The following CFAP251 variants were observed in gnomAD, a reference collection of about 807,000 sequenced individuals.
CFAP251 encodes the protein cilia- and flagella-associated protein 251.
In CFAP251, 93 loss-of-function variants were observed where a neutral mutation model predicts 126.7. That is an observed-to-expected ratio of 0.73 (90% confidence interval 0.62 to 0.87). The LOEUF is 0.87. Ranked by LOEUF, CFAP251 falls within the 40% of genes least tolerant of loss-of-function variation. The probability of loss-of-function intolerance (pLI) is 0.00; values close to 1 mark genes in which losing one functional copy is unlikely to be tolerated. For missense variants in CFAP251, 1,287 were observed against 1,389.2 expected, an observed-to-expected ratio of 0.93 and a Z score of 1.17; for synonymous variants, 503 against 506.9, an observed-to-expected ratio of 0.99 and a Z score of 0.10.
rs547570754 is a variant in CFAP251, at chr12:121,989,400, A to T, written c.3007-10316A>T. On this transcript the variant is annotated intron_variant, in intron 19 of 21. Coordinates refer to ENST00000288912, the MANE Select transcript of CFAP251 (RefSeq NM_144668.6). This position sits in a 1 kb window ranked among gnomAD's most constrained non-coding sequence, Gnocchi z 4.2. ...CTGCGTCCAGAGGGCAGAACTGTGC[A>T]TGCATGCCCCACTCCTGGAAAAAGA... is the stretch of plus-strand genomic sequence containing the variant. Among the ~76,000 whole-genome samples the T allele has an allele frequency of 5.3e-5, 8 of 152,344 alleles. No homozygotes were observed. The highest frequency in any genetic ancestry group is 1.4e-4 in the African/African-American group (6 of 41,586).
intron 14 of CFAP251, 54 bp from the exon 15 acceptor site, chr12:121,961,924 T>G: frequency 2.2e-5 from 35 of 1,563,464 alleles, no homozygotes; most frequent in Non-Finnish European, 2.9e-5. Context: ...GTTCCTTAGC[T>G]GAGCCTTTAA....
At chr12:121,926,111 C>T (rs192320618) in intron 3 of CFAP251, among the ~76,000 whole-genome samples, 38 of 151,298 alleles carry the variant, frequency 2.5e-4, no homozygotes, top group Non-Finnish European at 3.4e-4. Context: ...GCAATCTGCC[C>T]GCCTAGGCCT....
At chr12:121,971,916 A>G (rs1882340618) in intron 17 of CFAP251, 1 of 338,482 alleles carries the variant, frequency 3.0e-6, no homozygotes. Flanking sequence ...TAAGTCTCAC[A>G]AGATCTGATG....
intron 7 of CFAP251, among the ~76,000 whole-genome samples, chr12:121,945,642 C>T (rs936050646): frequency 3.3e-5 from 5 of 151,004 alleles, no homozygotes; most frequent in African/African-American, 4.9e-5. Flanking sequence ...CGTGCCCGGC[C>T]AGAGTGTTAT....
chr12:122,001,772 G>A, intron 21 of CFAP251, 174 bp downstream of exon 21: 1 of 635,200 alleles, frequency 1.6e-6, no homozygotes. Context: ...AGTGAGTGGT[G>A]GCTTTTGTTC....
chr12:121,934,446 C>A, intron 5 of CFAP251, 90 bp downstream of exon 5: 2 of 982,500 alleles, frequency 2.0e-6, no homozygotes, highest in Non-Finnish European at 1.5e-6. Context: ...AATGCCAATG[C>A]CTAGAAATTT....
In CFAP251 at chr12:121,999,731, A is replaced by C. The variant is rs760598291; in HGVS notation, c.3022A>C (p.Asn1008His). 6.2e-7 allele frequency: 1 copy of C among 1,607,754 alleles called. No individual in the cohort carries two copies. The highest frequency in any genetic ancestry group is 2.2e-5 in the East Asian group (1 of 44,654). ...PSEEKIDDIFNEIKFGEYVDT... is the reference protein window; with the variant it reads ...PSEEKIDDIFHEIKFGEYVDT... ...TTTCCCCTAGATTGATGATATATTT[A>C]ACGAAATCAAATTTGGTGAATATGT... Residue 1008 changes from asparagine (N) to histidine (H), a missense_variant, in exon 20 of 22, where the codon AAC (asparagine) becomes CAC (histidine). By Grantham distance (68) the Asn-to-His change is moderately conservative (BLOSUM62 1). Transcript: ENST00000288912.
At chr12:121,938,249 C>T (rs1358826987) in intron 5 of CFAP251, among the ~76,000 whole-genome samples, 3 of 151,962 alleles carry the variant, frequency 2.0e-5, no homozygotes, top group South Asian at 2.1e-4. Context: ...ACAAGTGATC[C>T]GTCTGCCTTG....
intron 5 of CFAP251, among the ~76,000 whole-genome samples, chr12:121,936,960 C>T (rs1397868527): frequency 2.0e-5 from 3 of 152,262 alleles, no homozygotes; most frequent in African/African-American, 4.8e-5. Context: ...TGGGCTCTGG[C>T]GTCCACCTGG....
chr12:121,998,330 G>A (rs1291461602), intron 19 of CFAP251: 1 of 150,802 alleles, frequency 6.6e-6, no homozygotes, highest in East Asian at 1.9e-4. Flanking sequence ...GGGATTACAG[G>A]GGTGAGCCAC....
At chr12:121,949,295 A>G in intron 8 of CFAP251, 1 of 245,906 alleles carries the variant, frequency 4.1e-6, no homozygotes, top group Non-Finnish European at 7.7e-6. Context: ...AATGAGGCAA[A>G]TGTTTATTTG....
intron 11 of CFAP251, 107 bp downstream of exon 11, chr12:121,957,375 G>GAA: frequency 2.6e-6 from 3 of 1,157,172 alleles, no homozygotes; most frequent in Non-Finnish European, 3.7e-6. Flanking sequence ...TATCTCCCTG[G>GAA]CTGATTGTGA....
At chr12:121,943,049 C>G in intron 7 of CFAP251, 74 bp downstream of exon 7, 1 of 1,514,772 alleles carries the variant, frequency 6.6e-7, no homozygotes, top group East Asian at 2.3e-5. Flanking sequence ...CGTGGTGGCT[C>G]ACACCTGTAA....
chr12:121,968,179 G>A lies in CFAP251; in HGVS notation c.2771+10G>A. ...GGAAAATCACCTTAAGGTACACGATGGGGCGAGAAGGAAGGTATCAAGTGT... is the reference window on the plus strand; with the variant it reads ...GGAAAATCACCTTAAGGTACACGATAGGGCGAGAAGGAAGGTATCAAGTGT... On this transcript the variant is annotated intron_variant, in intron 17 of 21. Transcript: ENST00000288912. 1 of 1,589,254 alleles carries A rather than the reference G, an allele frequency of 6.3e-7. No homozygotes were observed. Among genetic ancestry groups the A allele is most frequent in the South Asian group, 1.1e-5 (1 of 90,076 alleles).
chr12:121,985,804 C>A (rs1327587493), intron 19 of CFAP251, among the ~76,000 whole-genome samples: 1 of 151,892 alleles, frequency 6.6e-6, no homozygotes, highest in Non-Finnish European at 1.5e-5. Flanking sequence ...TGTTGAAAAT[C>A]AAAACAACAC....
Position 121,954,240 on chromosome 12 carries a change from T to C in CFAP251, c.1441T>C (p.Ser481Pro). The C allele has an allele frequency of 6.2e-7, 1 of 1,614,224 alleles. No individual in the cohort carries two copies. Among genetic ancestry groups the C allele is most frequent in the Non-Finnish European group, 8.5e-7 (1 of 1,180,026 alleles). ...CTGGGACATACACCGCCCACCCTCATCTGCCTCCACCTTTTTGGGCTTTCC... is the reference window on the plus strand; with the variant it reads ...CTGGGACATACACCGCCCACCCTCACCTGCCTCCACCTTTTTGGGCTTTCC... ...VVWDIHRPPS[S>P]ASTFLGFPYI... Residue 481 changes from serine (S) to proline (P), a missense_variant, in exon 10 of 22, where the codon TCT (serine) becomes CCT (proline). Coordinates refer to ENST00000288912, the MANE Select transcript of CFAP251 (RefSeq NM_144668.6).
At chr12:121,981,695 G>A (rs888647244) in intron 19 of CFAP251, among the ~76,000 whole-genome samples, 2 of 152,192 alleles carry the variant, frequency 1.3e-5, no homozygotes, top group Non-Finnish European at 2.9e-5. Context: ...ATCGTGGGCC[G>A]TGCCTCTCGC....
chr12:121,961,816 A>G (rs2135785790), intron 14 of CFAP251, among the ~76,000 whole-genome samples, 162 bp from the exon 15 acceptor site: 1 of 152,354 alleles, frequency 6.6e-6, no homozygotes, highest in Middle Eastern at 3.4e-3. Context: ...AGTCAGTGTC[A>G]GGTCTAGGCA....
intron 8 of CFAP251, 64 bp from the exon 9 acceptor site, chr12:121,951,416 T>C (rs1881520360): frequency 1.7e-6 from 2 of 1,159,492 alleles, no homozygotes; most frequent in Non-Finnish European, 2.5e-6. Context: ...CTTTTATTAT[T>C]AATGCCGTTC....
Sources: gnomAD v4.1 joint callset for allele counts (sites outside exome capture counted in the v4.1 genomes callset) on GRCh38, gnomAD v4.1.1 for gene constraint, Gnocchi (gnomAD v3.1) non-coding constraint, MANE v1.5 for transcripts, NCBI Gene and HGNC (gene_info 2026-07-23, HGNC 2026-07-21) for gene names.